Variants in RORA observed in about 807,000 individuals in gnomAD.
RORA encodes nuclear receptor ROR-alpha.
In RORA, 7 loss-of-function variants were observed where a neutral mutation model predicts 69.5. The observed-to-expected ratio is 0.10, with a 90% CI of 0.06 to 0.19. The LOEUF is 0.19. Among genes scored for constraint, RORA ranks in the 10% least tolerant of loss-of-function variants. RORA has a pLI of 1.00. For synonymous variants in RORA, 261 were observed against 240.8 expected, an observed-to-expected ratio of 1.08 and a Z score of -0.78; for missense variants, 457 against 663.0, an observed-to-expected ratio of 0.69 and a Z score of 3.41.
At chr15:61,093,822 A>G (rs1392103761) in intron 1 of RORA, among the ~76,000 whole-genome samples, 1 of 152,216 alleles carries the variant, frequency 6.6e-6, no homozygotes, top group Non-Finnish European at 1.5e-5. Context: ...AGTAGTTGTT[A>G]CCCACTGACA....
chr15:60,970,402 T>G (rs905676146), intron 1 of RORA, among the ~76,000 whole-genome samples: 3 of 152,170 alleles, frequency 2.0e-5, no homozygotes, highest in Admixed American at 2.0e-4. Flanking sequence ...TCAGTTCAAT[T>G]CCGCAAACAT....
At chr15:61,064,242 A>G (rs925715169) in intron 1 of RORA, among the ~76,000 whole-genome samples, 2 of 152,216 alleles carry the variant, frequency 1.3e-5, no homozygotes, top group Non-Finnish European at 2.9e-5. Flanking sequence ...AACTCACATC[A>G]CATCATCAAG....
intron 1 of RORA, among the ~76,000 whole-genome samples, chr15:60,901,200 TCA>T (rs1221977858): frequency 6.6e-6 from 1 of 152,090 alleles, no homozygotes; most frequent in African/African-American, 2.4e-5. Context: ...AAATGGAATC[TCA>T]CTCTTGTCGC....
chr15:61,193,961 A>G (rs1290130918), intron 1 of RORA: 1 of 152,220 alleles, frequency 6.6e-6, no homozygotes, highest in Non-Finnish European at 1.5e-5. Flanking sequence ...GCAGCTCCAC[A>G]GTAATTTCCT....
At chr15:61,224,848 C>G (rs2080131355) in intron 1 of RORA, among the ~76,000 whole-genome samples, 1 of 152,196 alleles carries the variant, frequency 6.6e-6, no homozygotes, top group South Asian at 2.1e-4. Context: ...CTACAGCCCC[C>G]ACCTCTGCTA....
chr15:60,513,618 G>T (rs1367504061), intron 4 of RORA, among the ~76,000 whole-genome samples: 1 of 152,196 alleles, frequency 6.6e-6, no homozygotes, highest in African/African-American at 2.4e-5. Context: ...CATGTCACAG[G>T]AATTTCTGAG....
intron 2 of RORA, among the ~76,000 whole-genome samples, chr15:60,580,071 C>CAAA (rs2068149159): frequency 6.6e-6 from 1 of 151,382 alleles, no homozygotes. Flanking sequence ...AAAAAAAAAG[C>CAAA]ACATTATTTA....
At chr15:60,680,082 T>A (rs953450824) in intron 1 of RORA, among the ~76,000 whole-genome samples, 1 of 152,224 alleles carries the variant, frequency 6.6e-6, no homozygotes, top group Non-Finnish European at 1.5e-5. Context: ...GGAAGGGAAC[T>A]TCCCCCAGCA....
intron 2 of RORA, among the ~76,000 whole-genome samples, chr15:60,548,418 T>G (rs763985292): frequency 3.9e-5 from 6 of 152,066 alleles, no homozygotes; most frequent in Non-Finnish European, 8.8e-5. Context: ...GTGCTAGTAC[T>G]TTTCCAAAAG....
intron 1 of RORA, among the ~76,000 whole-genome samples, chr15:61,041,735 T>C (rs1896785282): frequency 2.0e-5 from 3 of 152,174 alleles, no homozygotes; most frequent in South Asian, 4.2e-4. Context: ...GTATGTTCAT[T>C]TTATAGATGA....
At chr15:60,954,254 G>C (rs1893198146) in intron 1 of RORA, among the ~76,000 whole-genome samples, 1 of 131,412 alleles carries the variant, frequency 7.6e-6, no homozygotes, top group Non-Finnish European at 1.6e-5. Context: ...AGATCACATG[G>C]ACACAGGAAG....
chr15:60,874,428 T>C (rs1376745646), intron 1 of RORA, among the ~76,000 whole-genome samples: 1 of 152,082 alleles, frequency 6.6e-6, no homozygotes, highest in African/African-American at 2.4e-5. Context: ...TAAACTTCCA[T>C]AAAGCATCAG....
chr15:60,863,292 A>T (rs1275310849), intron 1 of RORA, among the ~76,000 whole-genome samples: 3 of 152,224 alleles, frequency 2.0e-5, no homozygotes, highest in Non-Finnish European at 4.4e-5. Context: ...TGTCATAATA[A>T]GGTCATTCTA....
intron 1 of RORA, among the ~76,000 whole-genome samples, chr15:61,188,100 C>G (rs1387564091): frequency 1.3e-5 from 2 of 152,112 alleles, no homozygotes; most frequent in Admixed American, 1.3e-4. Context: ...GTCGTTCCCC[C>G]GAAATACCCA....
At chr15:61,209,236 T>C (rs957732690) in intron 1 of RORA, among the ~76,000 whole-genome samples, 19 of 149,596 alleles carry the variant, frequency 1.3e-4, no homozygotes, top group African/African-American at 4.7e-4. Flanking sequence ...GATCCAATTA[T>C]GCACAATATG....
chr15:60,531,737 T>C lies in RORA; in HGVS notation c.282+29A>G. 8.1e-7 allele frequency: 1 copy of C among 1,239,010 alleles called. No individual in the cohort carries two copies. Among genetic ancestry groups the C allele is most frequent in the Non-Finnish European group, 1.2e-6 (1 of 863,420 alleles). 76.8% of individuals were successfully genotyped at this position (1,239,010 alleles called of 1,614,324 possible). On this transcript the variant is annotated intron_variant, in intron 3 of 10. Transcript: ENST00000335670. The surrounding 1 kb of genome is among the most constrained non-coding windows in gnomAD (Gnocchi z 4.8). Reference sequence around the variant, plus strand: ...AAAGATATATTCTAACAAACATTAATAGAAACAACAACAATTAAAAAGGCT... The same window carrying C: ...AAAGATATATTCTAACAAACATTAACAGAAACAACAACAATTAAAAAGGCT...
intron 2 of RORA, among the ~76,000 whole-genome samples, chr15:60,572,212 A>G (rs1405340206): frequency 6.6e-6 from 1 of 152,224 alleles, no homozygotes; most frequent in Non-Finnish European, 1.5e-5. Context: ...AGTGGCTTTA[A>G]TGTGGATTCA....
Position 60,616,178 on chromosome 15 carries a change from T to G in RORA, c.196+62479A>C, listed in dbSNP as rs546072264. On this transcript the variant is annotated intron_variant, in intron 2 of 10. Coordinates refer to ENST00000335670, the MANE Select transcript of RORA (RefSeq NM_134261.3). ...TTAGGCACACATATGTATTTGTGGT[T>G]TGGGGATCAACCGAGAGCAAGGTAA... 2.6e-5 allele frequency among the ~76,000 whole-genome samples: 4 copies of G among 152,326 alleles called. No individual in the cohort carries two copies. In the South Asian group the frequency reaches 8.3e-4, roughly 32 times the overall value.
At chr15:61,138,351 G>A (rs1346399496) in intron 1 of RORA, among the ~76,000 whole-genome samples, 1 of 152,324 alleles carries the variant, frequency 6.6e-6, no homozygotes, top group Non-Finnish European at 1.5e-5. Context: ...GATGGAGCTA[G>A]ATGGTTTCGT....
Sources: gnomAD v4.1 joint callset for allele counts (sites outside exome capture counted in the v4.1 genomes callset) on GRCh38, gnomAD v4.1.1 for gene constraint, Gnocchi (gnomAD v3.1) non-coding constraint, MANE v1.5 for transcripts, NCBI Gene and HGNC (gene_info 2026-07-23, HGNC 2026-07-21) for gene names.